Variants in ADGRV1 observed in about 807,000 individuals in gnomAD.
ADGRV1 encodes G-protein coupled receptor 98.
A neutral mutation model predicts 596.2 loss-of-function variants in ADGRV1; 359 were observed. The observed-to-expected ratio is 0.60, with a 90% CI of 0.55 to 0.66. The LOEUF (loss-of-function observed/expected upper bound fraction) is 0.66, where lower values mean the gene tolerates loss of function less well. ADGRV1 is among the 30% of genes least tolerant of loss of function. The probability of loss-of-function intolerance (pLI) is 0.00; values close to 1 mark genes in which losing one functional copy is unlikely to be tolerated. For synonymous variants in ADGRV1, 2,681 were observed against 2,679.2 expected (o/e 1.00, Z -0.02); for missense variants, 7,274 against 7,575.6 (o/e 0.96, Z 1.48).
chr5:90,873,915 T>G (rs1444908738), intron 83 of ADGRV1, among the ~76,000 whole-genome samples: 1 of 152,222 alleles, frequency 6.6e-6, no homozygotes, highest in African/African-American at 2.4e-5. Context: ...ACCATTATCT[T>G]GCTCACCTAA....
intron 83 of ADGRV1, among the ~76,000 whole-genome samples, chr5:90,937,651 GT>G (rs1223484102): frequency 8.6e-5 from 13 of 152,016 alleles, no homozygotes; most frequent in Admixed American, 8.5e-4. Context: ...TAGAGACGGG[GT>G]TTCACCGTGT....
At position 90,917,881 on chromosome 5, in the gene ADGRV1, AT is replaced by A. The variant is rs760124388; in HGVS notation, c.17857-47526del. 3.0e-4 allele frequency among the ~76,000 whole-genome samples: 45 copies of A among 151,336 alleles called. 1 individual carries two copies. The East Asian group carries it at 7.6e-3, about 26-fold the overall frequency. On this transcript the variant is annotated intron_variant, in intron 83 of 89. Transcript: ENST00000405460. ...CATCTTCATCATCATCACCACTATCATTTTTTTTAAAGAAGCATTTGTAAAG... is the reference window on the plus strand; with the variant it reads ...CATCTTCATCATCATCACCACTATCATTTTTTTAAAGAAGCATTTGTAAAG...
intron 10 of ADGRV1, among the ~76,000 whole-genome samples, chr5:90,637,049 G>C (rs2149407252): frequency 6.6e-6 from 1 of 152,148 alleles, no homozygotes; most frequent in South Asian, 2.1e-4. Flanking sequence ...AGCTTATACT[G>C]TGGAGAGGCA....
At chr5:90,580,489 C>T (rs140970445) in intron 1 of ADGRV1, among the ~76,000 whole-genome samples, 2,564 of 151,578 alleles carry the variant, frequency 0.017, 24 homozygotes, top group African/African-American at 0.034. Flanking sequence ...AGGCTTTGCT[C>T]GTTTTATTTT....
chr5:90,998,676 A>G (rs999547723), intron 85 of ADGRV1, among the ~76,000 whole-genome samples: 1 of 152,110 alleles, frequency 6.6e-6, no homozygotes, highest in Admixed American at 6.5e-5. Flanking sequence ...TGATATATGT[A>G]TAATTTTTTA....
At chr5:91,150,263 G>GTCTC (rs746094590) in intron 88 of ADGRV1, 42 bp downstream of exon 88, 20 of 1,315,844 alleles carry the variant, frequency 1.5e-5, no homozygotes, top group African/African-American at 3.0e-5. Context: ...CTCTGTCTCT[G>GTCTC]TCTCTCTCTC....
chr5:90,877,858 A>T (rs1284783345), intron 83 of ADGRV1, among the ~76,000 whole-genome samples: 2 of 152,008 alleles, frequency 1.3e-5, no homozygotes, highest in Non-Finnish European at 2.9e-5. Flanking sequence ...TATTAACATT[A>T]CCTCTTACAT....
At chr5:90,689,774 GT>G (rs1746221811) in intron 29 of ADGRV1, 86 bp from the exon 30 acceptor site, 1 of 861,006 alleles carries the variant, frequency 1.2e-6, no homozygotes. Context: ...GATCCATAAA[GT>G]TTGTTACCTG....
chr5:91,039,764 T>C (rs1235266554), intron 85 of ADGRV1, among the ~76,000 whole-genome samples: 1 of 152,132 alleles, frequency 6.6e-6, no homozygotes, highest in Non-Finnish European at 1.5e-5. Context: ...AAGATAATGA[T>C]GCAGTAATAT....
At chr5:90,928,047 C>T (rs1485980019) in intron 83 of ADGRV1, among the ~76,000 whole-genome samples, 49 of 152,144 alleles carry the variant, frequency 3.2e-4, no homozygotes, top group Admixed American at 3.1e-3. Flanking sequence ...CGACCTTTCT[C>T]TCTGGCTGCC....
intron 55 of ADGRV1, among the ~76,000 whole-genome samples, chr5:90,755,828 TA>T (rs1431487873): frequency 6.7e-6 from 1 of 148,484 alleles, no homozygotes; most frequent in African/African-American, 2.4e-5. Context: ...TTATATACCA[TA>T]GAATATATTA....
intron 1 of ADGRV1, among the ~76,000 whole-genome samples, chr5:90,601,774 C>G (rs891639049): frequency 3.3e-5 from 5 of 152,104 alleles, no homozygotes; most frequent in African/African-American, 4.8e-5. Context: ...ATCCAACTGG[C>G]CAATTAGTCT....
chr5:91,142,393 G>A (rs1040271658), intron 87 of ADGRV1, among the ~76,000 whole-genome samples: 1 of 152,170 alleles, frequency 6.6e-6, no homozygotes, highest in African/African-American at 2.4e-5. Context: ...GATGAAGAGA[G>A]CATAATTTGA....
Position 90,635,303 on chromosome 5 carries a change from T to A in ADGRV1, c.2016+13T>A. ...TGCTGCTGAAGTGGTAAGTAGGCTC[T>A]TTCTTACTGATGGGGGCTAATGAGT... On this transcript the variant is annotated intron_variant, in intron 10 of 89. Transcript: ENST00000405460. 1 of 1,598,390 alleles carries A rather than the reference T, an allele frequency of 6.3e-7. No individual in the cohort carries two copies. The highest frequency in any genetic ancestry group is 1.1e-5 in the South Asian group (1 of 87,984).
chr5:90,887,713 A>G (rs948088089), intron 83 of ADGRV1, among the ~76,000 whole-genome samples: 2 of 152,250 alleles, frequency 1.3e-5, no homozygotes, highest in African/African-American at 4.8e-5. Context: ...CAAATTTGAT[A>G]GCGAAAGTGT....
At chr5:90,708,988 T>G in intron 39 of ADGRV1, 79 bp downstream of exon 39, 2 of 945,708 alleles carry the variant, frequency 2.1e-6, no homozygotes, top group Non-Finnish European at 3.4e-6. Flanking sequence ...TCAGAAGTGA[T>G]CATTGTGCTG....
chr5:90,710,976 T>C lies in ADGRV1; in HGVS notation c.8825-5T>C, dbSNP rs1271473046. Reference sequence around the variant, plus strand: ...ATTTTAAGATATGCTTCTATGTTTTTTAAGATTCAGAAGGTTTGACTGCAC... The same window carrying C: ...ATTTTAAGATATGCTTCTATGTTTTCTAAGATTCAGAAGGTTTGACTGCAC... On this transcript the variant is annotated splice_polypyrimidine_tract_variant and splice_region_variant and intron_variant, in intron 39 of 89. Transcript: ENST00000405460. 1.3e-6 allele frequency: 2 copies of C among 1,578,456 alleles called. No homozygotes were observed. Among genetic ancestry groups the C allele is most frequent in the Non-Finnish European group, 8.7e-7 (1 of 1,150,948 alleles).
chr5:90,652,678 G>C, intron 19 of ADGRV1, 115 bp downstream of exon 19: 1 of 631,304 alleles, frequency 1.6e-6, no homozygotes, highest in Non-Finnish European at 2.6e-6. Context: ...AAGTATTTGT[G>C]TCATGACTAT....
chr5:90,608,313 A>G (rs527646941), intron 1 of ADGRV1, among the ~76,000 whole-genome samples: 41 of 152,166 alleles, frequency 2.7e-4, no homozygotes, highest in African/African-American at 8.7e-4. Context: ...GGCACATTGA[A>G]GGGAATTTAC....
Sources: gnomAD v4.1 joint callset for allele counts (sites outside exome capture counted in the v4.1 genomes callset) on GRCh38, gnomAD v4.1.1 for gene constraint, MANE v1.5 for transcripts, NCBI Gene and HGNC (gene_info 2026-07-23, HGNC 2026-07-21) for gene names.